DLGAP2: variants seen among roughly 807,000 people sequenced by gnomAD.
DLGAP2 encodes the protein DLG associated protein 2.
In DLGAP2, 26 loss-of-function variants were observed where a neutral mutation model predicts 100.3. The observed-to-expected ratio is 0.26, with a 90% confidence interval of 0.19 to 0.36. The LOEUF (loss-of-function observed/expected upper bound fraction) is 0.36, where lower values mean the gene tolerates loss of function less well. DLGAP2 is among the 10% of genes least tolerant of loss of function. The probability of loss-of-function intolerance (pLI) is 1.00; values close to 1 mark genes in which losing one functional copy is unlikely to be tolerated. For synonymous variants in DLGAP2, 886 were observed against 630.1 expected (o/e 1.41, Z -6.08); for missense variants, 1,858 against 1,453.2 (o/e 1.28, Z -4.53).
At chr8:1,677,297 A>G (rs1313617823) in intron 11 of DLGAP2, among the ~76,000 whole-genome samples, 1 of 152,094 alleles carries the variant, frequency 6.6e-6, no homozygotes, top group Non-Finnish European at 1.5e-5. Flanking sequence ...TGGCTTCCCC[A>G]GTTTCCAAGA....
chr8:1,223,840 A>T (rs1016943362), intron 2 of DLGAP2, among the ~76,000 whole-genome samples: 4 of 152,244 alleles, frequency 2.6e-5, no homozygotes, highest in Non-Finnish European at 4.4e-5. Context: ...CATATGCTCT[A>T]TATGTGTATA....
intron 3 of DLGAP2, among the ~76,000 whole-genome samples, chr8:1,424,892 C>T (rs1222523475): frequency 6.6e-6 from 1 of 152,146 alleles, no homozygotes; most frequent in Non-Finnish European, 1.5e-5. Context: ...ATGAGGAGGG[C>T]TGTTTAATGG....
At chr8:916,999 T>G (rs1798607117) in intron 2 of DLGAP2, among the ~76,000 whole-genome samples, 1 of 152,238 alleles carries the variant, frequency 6.6e-6, no homozygotes, top group Non-Finnish European at 1.5e-5. Flanking sequence ...CTCTAGGGTT[T>G]GCCCCTTCCT....
intron 1 of DLGAP2, among the ~76,000 whole-genome samples, chr8:801,011 T>C (rs1302249667): frequency 6.6e-6 from 1 of 151,992 alleles, no homozygotes; most frequent in East Asian, 1.9e-4. Flanking sequence ...ACACCTTCAA[T>C]GGCTGGTTTG....
In DLGAP2 at chr8:1,501,352, T is replaced by A; in HGVS notation, c.107-14T>A. The A allele has an allele frequency of 6.5e-7, 1 of 1,535,876 alleles. No individual in the cohort carries two copies. Among genetic ancestry groups the A allele is most frequent in the Non-Finnish European group, 8.7e-7 (1 of 1,146,726 alleles). On this transcript the variant is annotated splice_polypyrimidine_tract_variant and intron_variant, in intron 3 of 14. Transcript: ENST00000637795. ...GAAACGCATTAAAGAGTGACTTTGT[T>A]TCTGTCTTTGCAGAGGAAGAAGCTG...
chr8:1,310,009 C>T (rs1023023341), intron 3 of DLGAP2, among the ~76,000 whole-genome samples: 1 of 141,124 alleles, frequency 7.1e-6, no homozygotes, highest in South Asian at 2.3e-4. Context: ...GCAGGAGAAT[C>T]ATTTGAACCA....
intron 1 of DLGAP2, among the ~76,000 whole-genome samples, chr8:845,093 C>T (rs1797049463): frequency 6.6e-6 from 1 of 152,178 alleles, no homozygotes; most frequent in Non-Finnish European, 1.5e-5. Context: ...GGGTTGTGTA[C>T]ACTGATTGTT....
At chr8:1,565,405 A>G (rs79251547) in intron 5 of DLGAP2, 19,253 of 358,768 alleles carry the variant, frequency 0.054, 1,060 homozygotes, top group African/African-American at 0.19. Context: ...GCTTTGTCCC[A>G]GCTGCTGAGA....
At chr8:973,933 C>T (rs905773234) in intron 2 of DLGAP2, among the ~76,000 whole-genome samples, 146 of 151,302 alleles carry the variant, frequency 9.6e-4, no homozygotes, top group African/African-American at 3.3e-3. Flanking sequence ...GGCTGGAGAG[C>T]GCTGGGCGCA....
intron 8 of DLGAP2, among the ~76,000 whole-genome samples, chr8:1,640,965 G>A (rs945341616): frequency 1.2e-4 from 19 of 152,334 alleles, no homozygotes; most frequent in African/African-American, 1.4e-4. Context: ...CCTGGGGACC[G>A]GTAGGGAGAA....
chr8:1,140,423 C>A (rs530030036), intron 2 of DLGAP2, among the ~76,000 whole-genome samples: 51 of 149,282 alleles, frequency 3.4e-4, no homozygotes, highest in African/African-American at 1.2e-3. Flanking sequence ...TGTTCCCCTA[C>A]CAGTGGTCTG....
intron 4 of DLGAP2, among the ~76,000 whole-genome samples, chr8:1,546,353 C>T (rs931669309): frequency 2.0e-5 from 3 of 152,196 alleles, no homozygotes; most frequent in Non-Finnish European, 4.4e-5. Flanking sequence ...TGCTGTCAGT[C>T]TCTCGGGATC....
intron 3 of DLGAP2, among the ~76,000 whole-genome samples, chr8:1,436,152 C>A (rs934217148): frequency 3.3e-5 from 5 of 152,200 alleles, no homozygotes; most frequent in Admixed American, 2.0e-4. Flanking sequence ...ACTCCCACCA[C>A]AAGCCGTCTG....
chr8:1,340,248 A>T (rs1801388445), intron 3 of DLGAP2, among the ~76,000 whole-genome samples: 1 of 152,250 alleles, frequency 6.6e-6, no homozygotes, highest in Non-Finnish European at 1.5e-5. Flanking sequence ...GATTTAATTA[A>T]ACTAAGGAGC....
chr8:1,549,225 A>G lies in DLGAP2; in HGVS notation c.772A>G (p.Lys258Glu). 3 of 1,605,060 alleles carry G rather than the reference A, an allele frequency of 1.9e-6. No homozygotes were observed. The highest frequency in any genetic ancestry group is 1.7e-6 in the Non-Finnish European group (2 of 1,176,540). Residue 258 changes from lysine to glutamate, a missense_variant, in exon 5 of 15, where the codon AAG (lysine) becomes GAG (glutamate). Transcript: ENST00000637795. Reference protein sequence around the residue: ...GSSKSNANGTKADGRADDHHH... With the variant: ...GSSKSNANGTEADGRADDHHH... ...CTCCAAAAGCAACGCCAACGGCACC[A>G]AGGCGGACGGCCGGGCGGACGACCA...
At chr8:1,359,692 C>T (rs560919460) in intron 3 of DLGAP2, among the ~76,000 whole-genome samples, 4 of 152,358 alleles carry the variant, frequency 2.6e-5, no homozygotes, top group Admixed American at 6.5e-5. Context: ...CCACGGTAGA[C>T]GCTGGCCTCA....
intron 2 of DLGAP2, among the ~76,000 whole-genome samples, chr8:1,187,782 C>T (rs1797543041): frequency 7.2e-6 from 1 of 139,584 alleles, no homozygotes. Context: ...CCCGGGACCT[C>T]TGTGACGTTT....
At chr8:815,258 C>G (rs907306462) in intron 1 of DLGAP2, among the ~76,000 whole-genome samples, 1 of 152,168 alleles carries the variant, frequency 6.6e-6, no homozygotes, top group Admixed American at 6.5e-5. Flanking sequence ...CAGGGTAGTG[C>G]CCTGTGTCTG....
chr8:1,216,650 A>G (rs1333907035), intron 2 of DLGAP2, among the ~76,000 whole-genome samples: 1 of 151,988 alleles, frequency 6.6e-6, no homozygotes, highest in Non-Finnish European at 1.5e-5. Context: ...ATTGATTTTT[A>G]ACCGCCAATA....
Sources: allele counts gnomAD v4.1 joint callset (sites outside exome capture counted in the v4.1 genomes callset), GRCh38; gene constraint gnomAD v4.1.1; transcripts MANE v1.5; gene names NCBI Gene and HGNC (gene_info 2026-07-23, HGNC 2026-07-21).